Variants in GTF2I observed in about 807,000 individuals in gnomAD.
GTF2I encodes the protein general transcription factor II-I.
In GTF2I, 12 loss-of-function variants were observed where a neutral mutation model predicts 67.6. The ratio of observed to expected loss-of-function variants is 0.18; its 90% confidence interval spans 0.11 to 0.29. The LOEUF (loss-of-function observed/expected upper bound fraction) is 0.29. Among genes scored for constraint, GTF2I ranks in the 10% least tolerant of loss-of-function variants. The pLI, the probability that GTF2I is intolerant of heterozygous loss-of-function variation, is 1.00. For synonymous variants in GTF2I, 149 were observed against 197.0 expected, an observed-to-expected ratio of 0.76 and a Z score of 2.04; for missense variants, 271 against 580.1, an observed-to-expected ratio of 0.47 and a Z score of 5.47.
chr7:74,684,709 C>T (rs1376592575), intron 1 of GTF2I: 2 of 152,242 alleles, frequency 1.3e-5, no homozygotes, highest in Non-Finnish European at 2.9e-5. Flanking sequence ...CCTTGGGGTG[C>T]TTTCCATCCT....
chr7:74,747,097 AAAG>A (rs1795467946), intron 23 of GTF2I, among the ~76,000 whole-genome samples: 1 of 88,070 alleles, frequency 1.1e-5, no homozygotes, highest in South Asian at 7.0e-4. Flanking sequence ...ATACAATACT[AAAG>A]ACAATCTCCA....
chr7:74,702,279 G>A (rs1789893561), intron 6 of GTF2I, among the ~76,000 whole-genome samples: 1 of 151,506 alleles, frequency 6.6e-6, no homozygotes, highest in South Asian at 2.1e-4. Flanking sequence ...CCAAGTTGGA[G>A]TGCAGTGGCA....
chr7:74,722,207 C>T (rs1294330736), intron 12 of GTF2I, among the ~76,000 whole-genome samples: 1 of 152,144 alleles, frequency 6.6e-6, no homozygotes, highest in Non-Finnish European at 1.5e-5. Context: ...CATTACTTAC[C>T]CACTGCCGGT....
intron 12 of GTF2I, among the ~76,000 whole-genome samples, chr7:74,719,947 G>A (rs1554404262): frequency 6.6e-6 from 1 of 151,942 alleles, no homozygotes; most frequent in East Asian, 1.9e-4. Context: ...TAAAATTAAT[G>A]TGTCACAATA....
chr7:74,718,809 A>G (rs1262037512), intron 11 of GTF2I, 70 bp from the exon 12 acceptor site: 1 of 737,154 alleles, frequency 1.4e-6, no homozygotes, highest in Non-Finnish European at 2.2e-6. Context: ...GTATCAAATC[A>G]GTAAAATGTT....
intron 22 of GTF2I, 50 bp downstream of exon 22, chr7:74,745,991 CTT>C (rs782549147): frequency 2.4e-5 from 18 of 736,176 alleles, no homozygotes; most frequent in East Asian, 1.8e-4. Context: ...TTAAGACACT[CTT>C]TATCCGCATT....
chr7:74,723,417 G>A (rs1197693194), intron 12 of GTF2I, among the ~76,000 whole-genome samples: 2 of 84,660 alleles, frequency 2.4e-5, no homozygotes, highest in Non-Finnish European at 4.3e-5. Flanking sequence ...ATAAGCCACC[G>A]CTCCCGGCCT....
chr7:74,714,914 A>G lies in GTF2I; in HGVS notation c.821A>G (p.Gln274Arg). The change falls in exon 10 of 35, where the codon CAA becomes CGA. Residue 274 changes from glutamine to arginine, a missense_variant and splice_region_variant. Physicochemically the swap from Gln to Arg is conservative, Grantham distance 43. Transcript: ENST00000573035. ...AAACAGCCCCTATCGAAGCCTTTGCAAGGTATAATCTTTTCACTTCCATTC... is the reference window on the plus strand; with the variant it reads ...AAACAGCCCCTATCGAAGCCTTTGCGAGGTATAATCTTTTCACTTCCATTC... The part of the protein sequence containing the change: ...DEKQPLSKPL[Q>R]GSHHSSEGNE... 5 of 1,596,820 alleles carry G rather than the reference A, an allele frequency of 3.1e-6. No individual in the cohort carries two copies. Among genetic ancestry groups the G allele is most frequent in the Non-Finnish European group, 4.3e-6 (5 of 1,167,382 alleles).
chr7:74,682,890 A>G (rs1787386773), intron 1 of GTF2I, among the ~76,000 whole-genome samples: 1 of 152,232 alleles, frequency 6.6e-6, no homozygotes, highest in Non-Finnish European at 1.5e-5. Flanking sequence ...AATTACAAAC[A>G]AAATTAAAAA....
At chr7:74,721,907 G>A (rs1584276051) in intron 12 of GTF2I, among the ~76,000 whole-genome samples, 1 of 151,800 alleles carries the variant, frequency 6.6e-6, no homozygotes, top group East Asian at 1.9e-4. Context: ...AAGCAAAAGT[G>A]CATCTAGAGG....
chr7:74,666,934 C>T (rs1464106456), intron 1 of GTF2I, among the ~76,000 whole-genome samples: 2 of 151,916 alleles, frequency 1.3e-5, no homozygotes, highest in East Asian at 1.9e-4. Context: ...GAGCTGAGAT[C>T]GCACCACTGC....
chr7:74,662,992 A>G (rs1804657317), intron 1 of GTF2I, among the ~76,000 whole-genome samples: 1 of 151,976 alleles, frequency 6.6e-6, no homozygotes, highest in African/African-American at 2.4e-5. Context: ...ATGTTCTGGC[A>G]TTTTCGATGA....
intron 4 of GTF2I, chr7:74,699,591 C>T (rs1414763401): frequency 1.3e-5 from 2 of 152,880 alleles, no homozygotes; most frequent in African/African-American, 4.8e-5. Flanking sequence ...GCCACCATGC[C>T]TGGCCTAGCT....
At position 74,689,071 on chromosome 7, in the gene GTF2I, G is replaced by T. The variant is rs1466322800; in HGVS notation, c.-5-53G>T. ...GGGGCCCTCACAGCTTTGGCTGTGG[G>T]TTCAGGACACCAGATTTCTACCACT... On this transcript the variant is annotated intron_variant, in intron 1 of 34. Transcript: ENST00000573035. The T allele has an allele frequency of 1.0e-5, 11 of 1,073,378 alleles. 1 individual carries two copies. In the Admixed American group the frequency reaches 1.9e-4, roughly 18 times the overall value. 66.5% of individuals were successfully genotyped at this position (1,073,378 alleles called of 1,614,324 possible).
intron 3 of GTF2I, among the ~76,000 whole-genome samples, chr7:74,693,802 C>T (rs2527365): frequency 0.18 from 27,096 of 151,926 alleles, 4,569 homozygotes; most frequent in African/African-American, 0.45. Flanking sequence ...GCCAAGATCG[C>T]ACCACTGCAC....
intron 12 of GTF2I, among the ~76,000 whole-genome samples, chr7:74,725,233 CAA>C (rs1554405427): frequency 2.0e-5 from 3 of 151,946 alleles, no homozygotes; most frequent in Non-Finnish European, 4.4e-5. Flanking sequence ...TTAATTGCAA[CAA>C]AGAGTTAATT....
chr7:74,658,813 A>C (rs1222195236), intron 1 of GTF2I, among the ~76,000 whole-genome samples: 2 of 152,032 alleles, frequency 1.3e-5, no homozygotes, highest in Non-Finnish European at 2.9e-5. Context: ...GCTTTAGGCC[A>C]TGAAAATTAA....
intron 8 of GTF2I, among the ~76,000 whole-genome samples, chr7:74,708,179 T>C (rs187908058): frequency 1.3e-5 from 2 of 151,950 alleles, no homozygotes; most frequent in Admixed American, 1.3e-4. Context: ...GGTGGGCGCC[T>C]GTAATCCCAG....
intron 12 of GTF2I, among the ~76,000 whole-genome samples, chr7:74,720,843 C>T (rs1413138765): frequency 6.7e-5 from 10 of 148,934 alleles, no homozygotes; most frequent in Admixed American, 1.3e-4. Context: ...TCCTGGTTCA[C>T]GCCATTCTCC....
Sources: allele counts gnomAD v4.1 joint callset (sites outside exome capture counted in the v4.1 genomes callset), GRCh38; gene constraint gnomAD v4.1.1; transcripts MANE v1.5; gene names NCBI Gene and HGNC (gene_info 2026-07-23, HGNC 2026-07-21).